The following SLC4A10 variants were observed in gnomAD, a reference collection of about 807,000 sequenced individuals.
SLC4A10 encodes solute carrier family 4 member 10, also known as sodium-driven chloride bicarbonate exchanger.
A neutral mutation model predicts 137.7 loss-of-function variants in SLC4A10; 42 were observed. The observed-to-expected ratio is 0.30, with a 90% confidence interval of 0.24 to 0.39. The LOEUF (loss-of-function observed/expected upper bound fraction) is 0.39, where lower values mean the gene tolerates loss of function less well. Ranked by LOEUF, SLC4A10 falls within the 10% of genes least tolerant of loss-of-function variation. The pLI is 1.00. For missense variants in SLC4A10, 925 were observed against 1,355.0 expected, an observed-to-expected ratio of 0.68 and a Z score of 4.98; for synonymous variants, 474 against 464.1, an observed-to-expected ratio of 1.02 and a Z score of -0.27.
intron 21 of SLC4A10, among the ~76,000 whole-genome samples, chr2:161,960,091 T>G (rs965808509): frequency 3.3e-5 from 5 of 151,640 alleles, no homozygotes; most frequent in African/African-American, 1.2e-4. Flanking sequence ...GGGTTGAGTG[T>G]GGTGTGGCTC....
intron 3 of SLC4A10, among the ~76,000 whole-genome samples, chr2:161,814,786 GAACTAGGGTTAAAAAAGTAACTATTGGGT>G (rs1289993472): frequency 1.3e-5 from 2 of 151,972 alleles, no homozygotes; most frequent in East Asian, 3.9e-4. Context: ...GGAGGGTGGG[GAACTAGGGTTAAAAAAGTAACTATTGGGT>G]ACTATACTGC....
At chr2:161,869,173 T>C (rs1274317646) in intron 6 of SLC4A10, among the ~76,000 whole-genome samples, 1 of 151,612 alleles carries the variant, frequency 6.6e-6, no homozygotes, top group Non-Finnish European at 1.5e-5. Flanking sequence ...TTAGGAAAAT[T>C]TTTACTTCTG....
At chr2:161,723,019 A>G (rs977726764) in intron 1 of SLC4A10, among the ~76,000 whole-genome samples, 1 of 152,110 alleles carries the variant, frequency 6.6e-6, no homozygotes. Flanking sequence ...CAGTATCCCT[A>G]GCACTGGTAG....
chr2:161,942,071 A>G (rs6717424), intron 15 of SLC4A10, among the ~76,000 whole-genome samples: 48,768 of 152,058 alleles, frequency 0.32, 9,050 homozygotes, highest in Admixed American at 0.42. Context: ...CCAAGTAGAA[A>G]CTATACGATA....
At chr2:161,638,874 G>C (rs2034856074) in intron 1 of SLC4A10, among the ~76,000 whole-genome samples, 1 of 28,748 alleles carries the variant, frequency 3.5e-5, no homozygotes, top group Non-Finnish European at 1.0e-4. Context: ...TTTTTTTTAA[G>C]ATAAAAAAAG....
At chr2:161,916,574 A>G (rs539126115) in intron 15 of SLC4A10, among the ~76,000 whole-genome samples, 1 of 152,290 alleles carries the variant, frequency 6.6e-6, no homozygotes, top group African/African-American at 2.4e-5. Flanking sequence ...GCCAAAGCCA[A>G]AGGGCTTCTG....
intron 15 of SLC4A10, among the ~76,000 whole-genome samples, chr2:161,922,470 CAATTT>C (rs1487849242): frequency 6.6e-6 from 1 of 151,964 alleles, no homozygotes; most frequent in Non-Finnish European, 1.5e-5. Context: ...TTAATAGTAA[CAATTT>C]AATTAAATGA....
At chr2:161,792,493 G>C (rs1016316420) in intron 2 of SLC4A10, among the ~76,000 whole-genome samples, 3 of 152,112 alleles carry the variant, frequency 2.0e-5, no homozygotes, top group African/African-American at 7.2e-5. Flanking sequence ...TAGTATGGCA[G>C]TTGTACCATG....
intron 15 of SLC4A10, among the ~76,000 whole-genome samples, chr2:161,920,153 T>C (rs1687857966): frequency 6.6e-6 from 1 of 152,194 alleles, no homozygotes. Flanking sequence ...TCCAGGCTGG[T>C]AGCACGAGCT....
chr2:161,656,012 C>T (rs761212280), intron 1 of SLC4A10, among the ~76,000 whole-genome samples: 4 of 151,952 alleles, frequency 2.6e-5, no homozygotes, highest in Non-Finnish European at 4.4e-5. Context: ...TGGGGTTTCA[C>T]CGTGTTGGTC....
At chr2:161,981,424 C>T (rs922271051) in intron 26 of SLC4A10, among the ~76,000 whole-genome samples, 2 of 152,162 alleles carry the variant, frequency 1.3e-5, no homozygotes, top group Admixed American at 1.3e-4. Flanking sequence ...GCCATCTAGT[C>T]CAAAACCAAT....
chr2:161,653,510 T>A (rs531764686), intron 1 of SLC4A10, among the ~76,000 whole-genome samples: 1 of 152,358 alleles, frequency 6.6e-6, no homozygotes, highest in Non-Finnish European at 1.5e-5. Context: ...CAGCATCTGT[T>A]GTTTCCTGAC....
chr2:161,941,401 GCATA>G (rs1391535044), intron 15 of SLC4A10, among the ~76,000 whole-genome samples: 1 of 152,126 alleles, frequency 6.6e-6, no homozygotes, highest in East Asian at 1.9e-4. Flanking sequence ...GATTGGTTTA[GCATA>G]CATATTCAAC....
chr2:161,768,719 T>G (rs2051201254), intron 1 of SLC4A10, among the ~76,000 whole-genome samples: 1 of 152,040 alleles, frequency 6.6e-6, no homozygotes, highest in Non-Finnish European at 1.5e-5. Context: ...CATAGGTCTC[T>G]GAATCAGACT....
intron 1 of SLC4A10, among the ~76,000 whole-genome samples, chr2:161,653,170 G>A (rs1278606264): frequency 6.6e-6 from 1 of 152,114 alleles, no homozygotes; most frequent in African/African-American, 2.4e-5. Flanking sequence ...GTCCCGCAAA[G>A]GACATGAACT....
intron 15 of SLC4A10, among the ~76,000 whole-genome samples, chr2:161,922,944 T>G (rs559178508): frequency 6.6e-6 from 1 of 152,298 alleles, no homozygotes; most frequent in South Asian, 2.1e-4. Context: ...AACTGTTTAG[T>G]GCACACAGGA....
At chr2:161,881,568 T>G (rs1427203884) in intron 9 of SLC4A10, among the ~76,000 whole-genome samples, 1 of 152,078 alleles carries the variant, frequency 6.6e-6, no homozygotes, top group Non-Finnish European at 1.5e-5. Context: ...CTTAACAGCA[T>G]AAACCATTTA....
chr2:161,687,443 G>A (rs1447262604), intron 1 of SLC4A10, among the ~76,000 whole-genome samples: 2 of 151,964 alleles, frequency 1.3e-5, no homozygotes, highest in African/African-American at 4.8e-5. Context: ...TAATGTCTTG[G>A]ATTTATAAAA....
chr2:161,639,678 G>T (rs982335280), intron 1 of SLC4A10, among the ~76,000 whole-genome samples: 65 of 152,256 alleles, frequency 4.3e-4, no homozygotes, highest in African/African-American at 1.5e-3. Flanking sequence ...CTTGAATGGG[G>T]AAAAGTAGAA....
Sources: gnomAD v4.1 joint callset for allele counts (sites outside exome capture counted in the v4.1 genomes callset) on GRCh38, gnomAD v4.1.1 for gene constraint, MANE v1.5 for transcripts, NCBI Gene and HGNC (gene_info 2026-07-23, HGNC 2026-07-21) for gene names.